The following RMDN3 variants were observed in gnomAD, a reference collection of about 807,000 sequenced individuals.
The protein encoded by RMDN3 is regulator of microtubule dynamics 3, also known as regulator of microtubule dynamics protein 3.
Under a neutral mutation model 61.8 loss-of-function variants are expected in RMDN3, and 41 were observed. The observed-to-expected ratio is 0.66, with a 90% CI of 0.52 to 0.86. The LOEUF is 0.86. Among genes scored for constraint, RMDN3 ranks in the 40% least tolerant of loss-of-function variants. RMDN3 has a pLI of 0.00. For synonymous variants in RMDN3, 247 were observed against 232.0 expected (o/e 1.06, Z -0.59); for missense variants, 557 against 585.3 (o/e 0.95, Z 0.50).
In RMDN3 at chr15:40,746,245, G is replaced by T. The variant is rs909994891; in HGVS notation, c.525-986C>A. ...AGAAGCAAACACAAGGCTGGGGGCG[G>T]TGGCTCACGCCTGTAATCCCAGCAC... On this transcript the variant is annotated intron_variant, in intron 4 of 12. Coordinates refer to ENST00000338376, the MANE Select transcript of RMDN3 (RefSeq NM_018145.3). 2.6e-5 allele frequency among the ~76,000 whole-genome samples: 4 copies of T among 152,214 alleles called. No individual in the cohort carries two copies. In the South Asian group the frequency reaches 6.2e-4, roughly 24 times the overall value.
chr15:40,745,399 G>A, intron 4 of RMDN3, 140 bp from the exon 5 acceptor site: 1 of 764,184 alleles, frequency 1.3e-6, no homozygotes, highest in Non-Finnish European at 2.0e-6. Flanking sequence ...CCTCTTAAGG[G>A]CAGACTTTTT....
intron 4 of RMDN3, among the ~76,000 whole-genome samples, chr15:40,746,820 C>G (rs1218972658): frequency 6.6e-6 from 1 of 151,962 alleles, no homozygotes; most frequent in Non-Finnish European, 1.5e-5. Flanking sequence ...AAAACCTTTC[C>G]TAACTGCACC....
At chr15:40,742,979 A>G (rs2141909089) in intron 6 of RMDN3, among the ~76,000 whole-genome samples, 1 of 152,332 alleles carries the variant, frequency 6.6e-6, no homozygotes. Context: ...GAGACATCCT[A>G]CTCAATTGGT....
At chr15:40,746,385 A>G (rs980911132) in intron 4 of RMDN3, among the ~76,000 whole-genome samples, 4 of 152,012 alleles carry the variant, frequency 2.6e-5, no homozygotes, top group Non-Finnish European at 4.4e-5. Context: ...GCATGGTGGC[A>G]GGTGCCTGTA....
chr15:40,754,331 T>C (rs1243254495), intron 2 of RMDN3, among the ~76,000 whole-genome samples: 1 of 152,160 alleles, frequency 6.6e-6, no homozygotes, highest in Non-Finnish European at 1.5e-5. Flanking sequence ...GGTTTCACCA[T>C]GTTGACATCT....
intron 7 of RMDN3, chr15:40,739,797 C>T (rs1309790895): frequency 7.2e-6 from 2 of 278,556 alleles, no homozygotes; most frequent in South Asian, 6.3e-5. Flanking sequence ...AGAGCTTATG[C>T]AGGATAGGGG....
chr15:40,738,311 C>G (rs1047132036), intron 8 of RMDN3, among the ~76,000 whole-genome samples, 190 bp downstream of exon 8: 1 of 152,050 alleles, frequency 6.6e-6, no homozygotes. Context: ...TCGCTTGAAC[C>G]CAGGAGGTTG....
chr15:40,751,710 G>A, intron 3 of RMDN3, 141 bp from the exon 4 acceptor site: 1 of 1,254,322 alleles, frequency 8.0e-7, no homozygotes, highest in South Asian at 1.2e-5. Flanking sequence ...ACCCTCAGGA[G>A]GGCAAGCAGG....
chr15:40,741,620 A>ATT (rs553262858), intron 6 of RMDN3, among the ~76,000 whole-genome samples: 3,459 of 71,614 alleles, frequency 0.048, 544 homozygotes, highest in East Asian at 0.15. Context: ...GCAACATAGG[A>ATT]TTTTTTTTTT....
chr15:40,746,622 T>C (rs1897576698), intron 4 of RMDN3, among the ~76,000 whole-genome samples: 1 of 151,756 alleles, frequency 6.6e-6, no homozygotes, highest in Admixed American at 6.6e-5. Context: ...GACAGCCTAA[T>C]GTCAGGGCAG....
At position 40,751,513 on chromosome 15, in the gene RMDN3, C is replaced by T. The variant is rs758632389; in HGVS notation, c.437G>A (p.Arg146Gln). The change falls in exon 4 of 13, where the codon CGG becomes CAG. Residue 146 changes from arginine to glutamine, a missense_variant. Arg to Gln is a conservative substitution (Grantham distance 43). Coordinates refer to ENST00000338376, the MANE Select transcript of RMDN3 (RefSeq NM_018145.3). ...VARRRRFPFV[R>Q]ERSDSTGSSS... The stretch of plus-strand genomic sequence containing the variant: ...GGAGCCAGTGGAGTCACTCCTCTCC[C>T]GGACAAACGGAAACCTTCGCCGCCG... 7 of 1,614,008 alleles carry T rather than the reference C, an allele frequency of 4.3e-6. No homozygotes were observed. The highest frequency in any genetic ancestry group is 4.5e-5 in the East Asian group (2 of 44,892).
intron 4 of RMDN3, among the ~76,000 whole-genome samples, chr15:40,748,060 T>G (rs1418771873): frequency 6.6e-6 from 1 of 152,142 alleles, no homozygotes; most frequent in Non-Finnish European, 1.5e-5. Flanking sequence ...CAAGCTGTGT[T>G]TGGTACAATG....
chr15:40,750,061 T>C (rs1456636380), intron 4 of RMDN3, among the ~76,000 whole-genome samples: 1 of 152,144 alleles, frequency 6.6e-6, no homozygotes, highest in Non-Finnish European at 1.5e-5. Flanking sequence ...TATCACCTAG[T>C]ATTTACATTG....
intron 4 of RMDN3, among the ~76,000 whole-genome samples, chr15:40,745,589 C>G (rs112497439): frequency 0.079 from 11,975 of 151,908 alleles, 705 homozygotes; most frequent in Non-Finnish European, 0.12. Flanking sequence ...TGGTCTCAAA[C>G]CCCTGGCCTC....
At chr15:40,755,024 C>A in intron 1 of RMDN3, 59 bp downstream of exon 1, 1 of 478,938 alleles carries the variant, frequency 2.1e-6, no homozygotes, top group East Asian at 3.6e-5. Flanking sequence ...GTAGCCGCCC[C>A]TCCAGTACAC....
chr15:40,743,334 T>C (rs540216382), intron 6 of RMDN3, among the ~76,000 whole-genome samples: 3 of 151,780 alleles, frequency 2.0e-5, no homozygotes, highest in African/African-American at 7.3e-5. Flanking sequence ...GGCAGGAGAA[T>C]TGCTTGAGCC....
At chr15:40,738,421 A>T in intron 8 of RMDN3, 80 bp downstream of exon 8, 2 of 1,397,328 alleles carry the variant, frequency 1.4e-6, no homozygotes, top group South Asian at 2.4e-5. Context: ...GGCTGTAGAA[A>T]AGTTTTTGGC....
In RMDN3 at chr15:40,744,503, G is replaced by T. The variant is rs185533102; in HGVS notation, c.808-354C>A. Among the ~76,000 whole-genome samples the T allele has an allele frequency of 2.2e-4, 33 of 151,632 alleles. 2 individuals are homozygous for T. In the South Asian group the frequency reaches 4.4e-3, roughly 20 times the overall value. On this transcript the variant is annotated intron_variant, in intron 5 of 12. Transcript: ENST00000338376. ...GAAAAGGGAAACTTCTAACTTCTGGGGGGGGGGCATTTATACCTGGGTGGG... is the reference window on the plus strand; with the variant it reads ...GAAAAGGGAAACTTCTAACTTCTGGTGGGGGGGCATTTATACCTGGGTGGG...
chr15:40,745,382 A>G, intron 4 of RMDN3, 123 bp from the exon 5 acceptor site: 3 of 895,946 alleles, frequency 3.3e-6, no homozygotes, highest in Non-Finnish European at 5.1e-6. Flanking sequence ...AATCACAATC[A>G]TTCATACCTC....
Sources: gnomAD v4.1 joint callset for allele counts (sites outside exome capture counted in the v4.1 genomes callset) on GRCh38, gnomAD v4.1.1 for gene constraint, MANE v1.5 for transcripts, NCBI Gene and HGNC (gene_info 2026-07-23, HGNC 2026-07-21) for gene names.